The following ERC1 variants were observed in gnomAD, a reference collection of about 807,000 sequenced individuals.
ERC1 encodes the protein RAB6 interacting protein 2.
ERC1 carries 56 observed loss-of-function variants against 132.0 expected under a neutral mutation model. The observed-to-expected ratio is 0.42, with a 90% CI of 0.34 to 0.53. The LOEUF is 0.53. Among genes scored for constraint, ERC1 ranks in the 20% least tolerant of loss-of-function variants. ERC1 has a pLI of 0.03. For missense variants in ERC1, 1,202 were observed against 1,349.9 expected, an observed-to-expected ratio of 0.89 and a Z score of 1.72; for synonymous variants, 478 against 476.1, an observed-to-expected ratio of 1.00 and a Z score of -0.05.
chr12:1,029,763 T>C (rs1967644130), intron 2 of ERC1, among the ~76,000 whole-genome samples: 1 of 150,634 alleles, frequency 6.6e-6, no homozygotes. Context: ...TTTTTTTTTT[T>C]TTGAGACGGA....
At chr12:1,320,741 G>A (rs549124355) in intron 15 of ERC1, among the ~76,000 whole-genome samples, 57 of 152,178 alleles carry the variant, frequency 3.7e-4, no homozygotes, top group African/African-American at 1.1e-3. Flanking sequence ...TCACTCTGTC[G>A]CCCAGGCTGG....
At chr12:1,022,579 C>G in intron 1 of ERC1, among the ~76,000 whole-genome samples, 1 of 152,152 alleles carries the variant, frequency 6.6e-6, no homozygotes. Context: ...CCCATAATCC[C>G]TACATGTTGT....
At position 1,190,024 on chromosome 12, in the gene ERC1, A is replaced by G. The variant is rs1350495848; in HGVS notation, c.2323A>G (p.Lys775Glu). 6.2e-7 allele frequency: 1 copy of G among 1,613,950 alleles called. No individual in the cohort carries two copies. Residue 775 changes from lysine to glutamate, a missense_variant, in exon 12 of 19, where the codon AAA (lysine) becomes GAA (glutamate). Lys to Glu is a moderately conservative substitution (Grantham distance 56). Transcript: ENST00000360905. ...GGAGGTGGAAAATGAGAAGAATGAC[A>G]AAGATAAGAAGATAGCTGAGTTGGA... Reference protein sequence around the residue: ...LKEVENEKNDKDKKIAELERQ... With the variant: ...LKEVENEKNDEDKKIAELERQ...
At chr12:1,021,567 C>T (rs1351333634) in intron 1 of ERC1, among the ~76,000 whole-genome samples, 2 of 151,912 alleles carry the variant, frequency 1.3e-5, no homozygotes, top group Non-Finnish European at 1.5e-5. Context: ...GGCGTGGTGG[C>T]ACGCACCTGT....
intron 18 of ERC1, among the ~76,000 whole-genome samples, chr12:1,462,213 G>A (rs2093657947): frequency 6.6e-6 from 1 of 152,158 alleles, no homozygotes; most frequent in Admixed American, 6.5e-5. Flanking sequence ...TGAAGATATG[G>A]AGCAACTGGA....
intron 16 of ERC1, among the ~76,000 whole-genome samples, chr12:1,383,958 A>C (rs1196900380): frequency 6.6e-6 from 1 of 152,168 alleles, no homozygotes; most frequent in Non-Finnish European, 1.5e-5. Flanking sequence ...AACTTGCCCT[A>C]AGTCCCGTAG....
rs113466186 is a variant in ERC1 at position 1,335,325 on chromosome 12, C to T, written c.2781-36508C>T. On this transcript the variant is annotated intron_variant, in intron 15 of 18. Transcript: ENST00000360905. The stretch of plus-strand genomic sequence containing the variant: ...TACACCAGTTTTTCAAGGGGAATGC[C>T]TCCAGCTTTTGTTTATTCAGTATGA... Among the ~76,000 whole-genome samples, 1,194 of 152,186 alleles carry T rather than the reference C, an allele frequency of 7.8e-3. 9 individuals carry two copies. Among genetic ancestry groups the T allele is most frequent in the African/African-American group, 0.025 (1,036 of 41,514 alleles).
chr12:1,018,859 G>A (rs1245278257), intron 1 of ERC1, among the ~76,000 whole-genome samples: 1 of 152,186 alleles, frequency 6.6e-6, no homozygotes, highest in Non-Finnish European at 1.5e-5. Context: ...TTACCTCAGA[G>A]GAGCACCTAA....
At chr12:1,362,887 A>G (rs993325825) in intron 15 of ERC1, among the ~76,000 whole-genome samples, 2 of 152,354 alleles carry the variant, frequency 1.3e-5, no homozygotes, top group African/African-American at 2.4e-5. Context: ...GTATTTGACT[A>G]TAGGTTAAAA....
chr12:1,261,487 G>C (rs1274438158), intron 13 of ERC1, among the ~76,000 whole-genome samples: 1 of 151,996 alleles, frequency 6.6e-6, no homozygotes, highest in South Asian at 2.1e-4. Flanking sequence ...CTCTTAGTTC[G>C]TAATCCTTCT....
At chr12:1,384,531 A>G (rs1178719196) in intron 16 of ERC1, among the ~76,000 whole-genome samples, 1 of 152,204 alleles carries the variant, frequency 6.6e-6, no homozygotes, top group African/African-American at 2.4e-5. Context: ...GTGTTTAGCC[A>G]CCAGCATTTT....
In ERC1 at chr12:1,179,500, CTTTTTTTT is replaced by C. The variant is rs58317880; in HGVS notation, c.1738-1022_1738-1015del. Among the ~76,000 whole-genome samples the C allele has an allele frequency of 4.3e-3, 413 of 95,746 alleles. 1 individual carries two copies. Among genetic ancestry groups the C allele is most frequent in the Non-Finnish European group, 5.9e-3 (303 of 51,282 alleles). The allele number at this position is 95,746 out of a possible 152,430, so 62.8% of individuals were successfully genotyped here. A position where few individuals can be genotyped will look rare whatever the true frequency, so the allele number is the denominator to read the frequency against. ...AATAAAAATGAGTCTATTCATTTTT[CTTTTTTTT>C]TTTTTTTTTTTTTTTTTGAGACGGA... On this transcript the variant is annotated intron_variant, in intron 8 of 18. Coordinates refer to ENST00000360905, the MANE Select transcript of ERC1 (RefSeq NM_178040.4).
chr12:1,118,167 A>G (rs182207802), intron 7 of ERC1, among the ~76,000 whole-genome samples: 12 of 152,340 alleles, frequency 7.9e-5, no homozygotes, highest in African/African-American at 2.6e-4. Flanking sequence ...CAAAAGGGTC[A>G]GAAGAGGGTG....
intron 16 of ERC1, among the ~76,000 whole-genome samples, chr12:1,377,883 T>C (rs566853936): frequency 3.3e-5 from 5 of 152,322 alleles, no homozygotes; most frequent in Admixed American, 2.6e-4. Context: ...TTTTTGAAGG[T>C]TCAGTAAACT....
At chr12:1,133,348 CTG>C (rs1332271642) in intron 7 of ERC1, among the ~76,000 whole-genome samples, 3 of 152,190 alleles carry the variant, frequency 2.0e-5, no homozygotes, top group Non-Finnish European at 2.9e-5. Context: ...ACCTCCTTAA[CTG>C]TGTAGAAGGG....
rs7297906 is a variant in ERC1, at chr12:1,041,105, A to G, written c.669+12533A>G. 7.2e-3 allele frequency among the ~76,000 whole-genome samples: 1,098 copies of G among 152,304 alleles called. 12 individuals are homozygous for G. Among genetic ancestry groups the G allele is most frequent in the African/African-American group, 0.025 (1,051 of 41,554 alleles). On this transcript the variant is annotated intron_variant, in intron 2 of 18. Transcript: ENST00000360905. ...CAATATTTGTCATATTAGATACTAAAATAAAAAAATAATATTTATTAGTAC... is the reference window on the plus strand; with the variant it reads ...CAATATTTGTCATATTAGATACTAAGATAAAAAAATAATATTTATTAGTAC...
At chr12:1,190,627 C>G (rs1955623819) in intron 12 of ERC1, among the ~76,000 whole-genome samples, 1 of 152,122 alleles carries the variant, frequency 6.6e-6, no homozygotes, top group Non-Finnish European at 1.5e-5. Flanking sequence ...TCAAAATATT[C>G]TGTGTTTGAA....
At chr12:1,102,434 G>T (rs1209948201) in intron 3 of ERC1, among the ~76,000 whole-genome samples, 2 of 152,182 alleles carry the variant, frequency 1.3e-5, no homozygotes, top group Admixed American at 1.3e-4. Flanking sequence ...AAAAACTATT[G>T]CTAATACAAT....
At chr12:1,365,710 A>G (rs1299703359) in intron 15 of ERC1, among the ~76,000 whole-genome samples, 1 of 152,226 alleles carries the variant, frequency 6.6e-6, no homozygotes, top group Non-Finnish European at 1.5e-5. Context: ...CAGAACATGA[A>G]CAATACTTGA....
Sources: allele counts gnomAD v4.1 joint callset (sites outside exome capture counted in the v4.1 genomes callset), GRCh38; gene constraint gnomAD v4.1.1; transcripts MANE v1.5; gene names NCBI Gene and HGNC (gene_info 2026-07-23, HGNC 2026-07-21).